NUP210: variants seen among roughly 807,000 people sequenced by gnomAD.
NUP210 encodes the protein nucleoporin 210.
Under a neutral mutation model 196.0 loss-of-function variants are expected in NUP210, and 151 were observed. The ratio of observed to expected loss-of-function variants is 0.77; its 90% CI spans 0.67 to 0.88. NUP210 has a LOEUF of 0.88. Among genes scored for constraint, NUP210 ranks in the 40% least tolerant of loss-of-function variants. NUP210 has a pLI of 0.00. For synonymous variants in NUP210, 1,070 were observed against 1,052.7 expected (o/e 1.02, Z -0.32); for missense variants, 2,314 against 2,493.7 (o/e 0.93, Z 1.53).
intron 20 of NUP210, chr3:13,345,067 G>C: frequency 7.1e-6 from 7 of 985,456 alleles, no homozygotes; most frequent in Non-Finnish European, 8.4e-6. Flanking sequence ...TCGGGACTCA[G>C]CCCAGCATCT....
rs1301360889 is a variant in NUP210 at position 13,365,727 on chromosome 3, C to T, written c.1932+219G>A. On this transcript the variant is annotated intron_variant, in intron 14 of 39. Coordinates refer to ENST00000254508, the MANE Select transcript of NUP210 (RefSeq NM_024923.4). ...GCCAAGCCTGCCAAGCGCTGTCTCGCGTAACCACAGAGATGCCCACAACCA... is the reference window on the plus strand; with the variant it reads ...GCCAAGCCTGCCAAGCGCTGTCTCGTGTAACCACAGAGATGCCCACAACCA... Among the ~76,000 whole-genome samples the T allele has an allele frequency of 8.5e-5, 13 of 152,240 alleles. No individual in the cohort carries two copies. The East Asian group carries it at 1.7e-3, about 20-fold the overall frequency.
chr3:13,400,564 A>G (rs957405482), intron 1 of NUP210, among the ~76,000 whole-genome samples: 2 of 152,198 alleles, frequency 1.3e-5, no homozygotes, highest in African/African-American at 4.8e-5. Flanking sequence ...ATGGCCCAGG[A>G]TAACTGCCCC....
chr3:13,390,121 G>A (rs1016148497), intron 4 of NUP210, among the ~76,000 whole-genome samples: 5 of 152,112 alleles, frequency 3.3e-5, no homozygotes, highest in East Asian at 1.9e-4. Context: ...GTCTGAAGAC[G>A]GCCGGCAACA....
chr3:13,363,109 T>C (rs927974646), intron 14 of NUP210, among the ~76,000 whole-genome samples: 1 of 152,184 alleles, frequency 6.6e-6, no homozygotes, highest in Non-Finnish European at 1.5e-5. Flanking sequence ...GCTACTGTTG[T>C]GATTCAGGGG....
chr3:13,398,662 G>A (rs1438708247), intron 2 of NUP210, among the ~76,000 whole-genome samples: 1 of 152,216 alleles, frequency 6.6e-6, no homozygotes, highest in African/African-American at 2.4e-5. Context: ...GCTCACACAT[G>A]TAATTCCGCC....
rs1697913421 is a variant in NUP210 at position 13,350,091 on chromosome 3, G to T, written c.2835+1788C>A. ...GACAGCCAAAAAAAGCCCTGCAAAG[G>T]CCACAGTCATCCCAGAGTGACAAAG... On this transcript the variant is annotated intron_variant, in intron 20 of 39. Transcript: ENST00000254508. This position sits in a 1 kb window ranked among gnomAD's most constrained non-coding sequence, Gnocchi z 4.1. Among the ~76,000 whole-genome samples the T allele has an allele frequency of 6.6e-6, 1 of 152,118 alleles. No homozygotes were observed. The highest frequency in any genetic ancestry group is 2.1e-4 in the South Asian group (1 of 4,816).
At position 13,317,792 on chromosome 3, in the gene NUP210, AAG is replaced by A; in HGVS notation, c.5564-13_5564-12del. ...ATGAGGCAGCGAAATCTAGGGTGGG[AAG>A]AGAGACGATGTTAGCAGCAGAGCCA... On this transcript the variant is annotated splice_polypyrimidine_tract_variant and intron_variant, in intron 39 of 39. Transcript: ENST00000254508. The A allele has an allele frequency of 6.3e-7, 1 of 1,583,162 alleles. No individual in the cohort carries two copies. Among genetic ancestry groups the A allele is most frequent in the Non-Finnish European group, 8.6e-7 (1 of 1,157,682 alleles).
chr3:13,374,918 C>G (rs950961555), intron 11 of NUP210, among the ~76,000 whole-genome samples: 1 of 152,194 alleles, frequency 6.6e-6, no homozygotes, highest in African/African-American at 2.4e-5. Flanking sequence ...AGGACTCGAG[C>G]CCTGTCTAAG....
chr3:13,370,118 G>A (rs895231374), intron 13 of NUP210, among the ~76,000 whole-genome samples: 5 of 152,148 alleles, frequency 3.3e-5, no homozygotes, highest in African/African-American at 1.2e-4. Context: ...ATGGGTTTCT[G>A]TGGGGTGAGC....
Position 13,340,302 on chromosome 3 carries a change from T to C in NUP210, c.3229-4A>G. 1 of 1,613,238 alleles carries C rather than the reference T, an allele frequency of 6.2e-7. No individual in the cohort carries two copies. Among genetic ancestry groups the C allele is most frequent in the South Asian group, 1.1e-5 (1 of 91,088 alleles). Reference sequence around the variant, plus strand: ...TCAGCCTGAACGGGGGAAAGACCTGTTGAGAGACACAGGAGAGAAAGGACT... The same window carrying C: ...TCAGCCTGAACGGGGGAAAGACCTGCTGAGAGACACAGGAGAGAAAGGACT... On this transcript the variant is annotated splice_region_variant and splice_polypyrimidine_tract_variant and intron_variant, in intron 23 of 39. Transcript: ENST00000254508. The surrounding 1 kb of genome is among the most constrained non-coding windows in gnomAD (Gnocchi z 4.0).
At chr3:13,403,252 C>A (rs138995522) in intron 1 of NUP210, among the ~76,000 whole-genome samples, 31 of 152,280 alleles carry the variant, frequency 2.0e-4, no homozygotes, top group African/African-American at 7.5e-4. Flanking sequence ...AAATGTATTG[C>A]TCACAGTTCT....
chr3:13,340,187 T>G lies in NUP210; in HGVS notation c.3291+49A>C, dbSNP rs1576360590. Reference sequence around the variant, plus strand: ...CAGAGGCGGCGTGCCTGGAACCAGGTGGTGGCCTGCACTGGGGCTGGAGCA... The same window carrying G: ...CAGAGGCGGCGTGCCTGGAACCAGGGGGTGGCCTGCACTGGGGCTGGAGCA... On this transcript the variant is annotated intron_variant, in intron 24 of 39. Coordinates refer to ENST00000254508, the MANE Select transcript of NUP210 (RefSeq NM_024923.4). The surrounding 1 kb of genome is among the most constrained non-coding windows in gnomAD (Gnocchi z 4.0). 4.3e-6 allele frequency: 7 copies of G among 1,610,706 alleles called. No individual in the cohort carries two copies. The highest frequency in any genetic ancestry group is 5.9e-6 in the Non-Finnish European group (7 of 1,177,892).
intron 21 of NUP210, 41 bp downstream of exon 21, chr3:13,343,134 C>A (rs199543114): frequency 6.0e-5 from 97 of 1,609,644 alleles, no homozygotes; most frequent in Non-Finnish European, 7.9e-5. Flanking sequence ...CCAGTTCCTG[C>A]AGGTCAGCCG....
intron 1 of NUP210, among the ~76,000 whole-genome samples, chr3:13,412,986 G>T (rs1364009282): frequency 6.6e-6 from 1 of 151,450 alleles, no homozygotes; most frequent in African/African-American, 2.4e-5. Flanking sequence ...AAGAAAAAAA[G>T]CCAGGCACAG....
At chr3:13,380,750 G>A (rs1056104753) in intron 6 of NUP210, among the ~76,000 whole-genome samples, 1 of 152,194 alleles carries the variant, frequency 6.6e-6, no homozygotes, top group Non-Finnish European at 1.5e-5. Context: ...AGGGTGCCAG[G>A]TCAGGACTCC....
chr3:13,364,085 C>T (rs1698454520), intron 14 of NUP210, among the ~76,000 whole-genome samples: 1 of 152,146 alleles, frequency 6.6e-6, no homozygotes, highest in Non-Finnish European at 1.5e-5. Flanking sequence ...GTCTTGATCT[C>T]CTCATTTTAA....
rs1696603116 is a variant in NUP210, at chr3:13,323,033, C to T, written c.4768+276G>A. ...CGGTGGGAAATTGTGGCTTTCTTTG[C>T]TAGGGTGCCCTCGGGCTGAAGTCAC... On this transcript the variant is annotated intron_variant, in intron 34 of 39. Transcript: ENST00000254508. The surrounding 1 kb of genome is among the most constrained non-coding windows in gnomAD (Gnocchi z 4.3). Among the ~76,000 whole-genome samples, 1 of 152,178 alleles carries T rather than the reference C, an allele frequency of 6.6e-6. No homozygotes were observed. The highest frequency in any genetic ancestry group is 1.5e-5 in the Non-Finnish European group (1 of 68,020).
At chr3:13,359,613 C>A (rs554731328) in intron 15 of NUP210, among the ~76,000 whole-genome samples, 1 of 152,156 alleles carries the variant, frequency 6.6e-6, no homozygotes, top group Non-Finnish European at 1.5e-5. Context: ...CCGCCGAATA[C>A]CCCTTTTGCT....
At chr3:13,343,119 C>A (rs1025972956) in intron 21 of NUP210, 56 bp downstream of exon 21, 2 of 1,603,030 alleles carry the variant, frequency 1.2e-6, no homozygotes, top group Non-Finnish European at 1.7e-6. Flanking sequence ...ACAGTCCCCT[C>A]CCTCCCAGTT....
Sources: gnomAD v4.1 joint callset for allele counts (sites outside exome capture counted in the v4.1 genomes callset) on GRCh38, gnomAD v4.1.1 for gene constraint, Gnocchi (gnomAD v3.1) non-coding constraint, MANE v1.5 for transcripts, NCBI Gene and HGNC (gene_info 2026-07-23, HGNC 2026-07-21) for gene names.